SNTG1: variants seen among roughly 807,000 people sequenced by gnomAD.
SNTG1 encodes gamma-1-syntrophin.
SNTG1 carries 39 observed loss-of-function variants against 74.7 expected under a neutral mutation model. The observed-to-expected ratio is 0.52, with a 90% CI of 0.40 to 0.68. The LOEUF (loss-of-function observed/expected upper bound fraction) is 0.68, where lower values mean the gene tolerates loss of function less well. Among genes scored for constraint, SNTG1 ranks in the 30% least tolerant of loss-of-function variants. SNTG1 has a pLI of 0.00. For synonymous variants in SNTG1, 254 were observed against 217.1 expected (o/e 1.17, Z -1.49); for missense variants, 685 against 609.5 (o/e 1.12, Z -1.30).
At chr8:50,186,015 A>G (rs1054115533) in intron 2 of SNTG1, among the ~76,000 whole-genome samples, 2 of 151,962 alleles carry the variant, frequency 1.3e-5, no homozygotes, top group African/African-American at 4.8e-5. Flanking sequence ...CCCACCCCCG[A>G]CAGGTCTGTG....
intron 12 of SNTG1, among the ~76,000 whole-genome samples, chr8:50,571,844 A>C (rs1241383676): frequency 5.9e-5 from 9 of 152,166 alleles, no homozygotes; most frequent in Admixed American, 5.2e-4. Context: ...AGAAAATTAC[A>C]AAAGAAATCA....
chr8:50,177,505 G>T (rs1007369617), intron 2 of SNTG1, among the ~76,000 whole-genome samples: 2 of 152,186 alleles, frequency 1.3e-5, no homozygotes, highest in Non-Finnish European at 2.9e-5. Flanking sequence ...AGGAGTTACA[G>T]CTGTACAGTG....
chr8:50,715,947 T>A, intron 17 of SNTG1, among the ~76,000 whole-genome samples: 1 of 152,192 alleles, frequency 6.6e-6, no homozygotes, highest in Admixed American at 6.5e-5. Context: ...CGACACTGAT[T>A]TCTAGAATCT....
rs1242919793 is a variant in SNTG1 at position 50,438,497 on chromosome 8, A to G, written c.163-46A>G. On this transcript the variant is annotated intron_variant, in intron 4 of 18. Coordinates refer to ENST00000642720, the MANE Select transcript of SNTG1 (RefSeq NM_018967.5). The stretch of plus-strand genomic sequence containing the variant: ...AAACAACAAAAAATGGTGTGTAAGT[A>G]TAGTATTAGGAAACACTAACCATTC... 6.5e-6 allele frequency: 10 copies of G among 1,535,224 alleles called. No individual in the cohort carries two copies. The East Asian group carries it at 1.1e-4, about 17-fold the overall frequency.
intron 1 of SNTG1, among the ~76,000 whole-genome samples, chr8:50,043,510 T>C (rs1818818044): frequency 6.6e-6 from 1 of 152,168 alleles, no homozygotes; most frequent in South Asian, 2.1e-4. Flanking sequence ...TATAAAATAA[T>C]TTGTGAAGGG....
At chr8:50,563,761 A>C (rs1050708571) in intron 12 of SNTG1, among the ~76,000 whole-genome samples, 1 of 152,064 alleles carries the variant, frequency 6.6e-6, no homozygotes, top group Admixed American at 6.6e-5. Flanking sequence ...CTAAGAATAC[A>C]TTGACTTGTG....
chr8:50,509,690 A>T (rs1026931276), intron 9 of SNTG1, among the ~76,000 whole-genome samples: 14 of 151,976 alleles, frequency 9.2e-5, no homozygotes, highest in African/African-American at 3.1e-4. Context: ...TGTGAATGGG[A>T]GTTCACTTAT....
At chr8:50,770,511 T>C (rs2095624284) in intron 18 of SNTG1, among the ~76,000 whole-genome samples, 1 of 151,884 alleles carries the variant, frequency 6.6e-6, no homozygotes, top group South Asian at 2.1e-4. Context: ...CAGAACCCAC[T>C]GAAGGGTGTG....
At chr8:50,293,440 T>A (rs2089220143) in intron 2 of SNTG1, among the ~76,000 whole-genome samples, 1 of 151,252 alleles carries the variant, frequency 6.6e-6, no homozygotes, top group Non-Finnish European at 1.5e-5. Context: ...GACTGAGTCT[T>A]GCTCTGCCAC....
intron 1 of SNTG1, among the ~76,000 whole-genome samples, chr8:49,928,182 A>AATAAATAAATAT (rs1328680888): frequency 7.0e-6 from 1 of 142,810 alleles, no homozygotes; most frequent in African/African-American, 2.6e-5. Flanking sequence ...TAAATAAATA[A>AATAAATAAATAT]AAATAAAAAA....
chr8:50,465,516 C>A (rs1014579346), intron 8 of SNTG1, among the ~76,000 whole-genome samples: 1 of 152,150 alleles, frequency 6.6e-6, no homozygotes, highest in African/African-American at 2.4e-5. Context: ...GGTTTTGACA[C>A]CTGCACAGTA....
intron 2 of SNTG1, among the ~76,000 whole-genome samples, chr8:50,195,994 G>A (rs963485112): frequency 2.0e-5 from 3 of 152,080 alleles, no homozygotes; most frequent in African/African-American, 7.2e-5. Context: ...ATTTTCATGG[G>A]GATCTTTATC....
intron 1 of SNTG1, among the ~76,000 whole-genome samples, chr8:50,004,487 C>T (rs1401252535): frequency 1.3e-5 from 2 of 152,252 alleles, no homozygotes; most frequent in African/African-American, 2.4e-5. Flanking sequence ...CTGCACCCAG[C>T]GTTGTGCTTG....
At position 50,246,128 on chromosome 8, in the gene SNTG1, A is replaced by T. The variant is rs560351685; in HGVS notation, c.-28+73493A>T. 3.3e-5 allele frequency among the ~76,000 whole-genome samples: 5 copies of T among 150,940 alleles called. No homozygotes were observed. The South Asian group carries it at 1.1e-3, about 32-fold the overall frequency. On this transcript the variant is annotated intron_variant, in intron 2 of 18. Transcript: ENST00000642720. ...ATACAGACCTGATACTAGATGCATA[A>T]AATGTGAAACTATTAATAATGGGTA...
Position 49,942,988 on chromosome 8 carries a change from C to G in SNTG1, c.-103+30757C>G, listed in dbSNP as rs2129378211. On this transcript the variant is annotated intron_variant, in intron 1 of 18. Transcript: ENST00000642720. ...TCTACAAAAAATATTTGCAATTTCT[C>G]TTCATAAGAGATTTGCCTCCTCTCC... Among the ~76,000 whole-genome samples, 3 of 152,318 alleles carry G rather than the reference C, an allele frequency of 2.0e-5. No individual in the cohort carries two copies. In the Middle Eastern group the frequency reaches 0.01, roughly 518 times the overall value.
intron 1 of SNTG1, among the ~76,000 whole-genome samples, chr8:50,131,253 C>T (rs1204306718): frequency 1.3e-5 from 2 of 152,148 alleles, no homozygotes; most frequent in African/African-American, 4.8e-5. Context: ...TTTCAGTAAG[C>T]ATTATATTTT....
chr8:50,092,666 C>T (rs1028524205), intron 1 of SNTG1, among the ~76,000 whole-genome samples: 3 of 152,114 alleles, frequency 2.0e-5, no homozygotes, highest in Non-Finnish European at 4.4e-5. Flanking sequence ...ACTTCTTAGG[C>T]TTCTTCTTCA....
In SNTG1 at chr8:50,001,095, A is replaced by G. The variant is rs572772440; in HGVS notation, c.-103+88864A>G. ...CCAGGGTGAGCTGAGCTCAACTGTGACTTGTGCAGAAATGACTGTGTGTTA... is the reference window on the plus strand; with the variant it reads ...CCAGGGTGAGCTGAGCTCAACTGTGGCTTGTGCAGAAATGACTGTGTGTTA... On this transcript the variant is annotated intron_variant, in intron 1 of 18. Coordinates refer to ENST00000642720, the MANE Select transcript of SNTG1 (RefSeq NM_018967.5). 2.0e-5 allele frequency among the ~76,000 whole-genome samples: 3 copies of G among 152,326 alleles called. No individual in the cohort carries two copies. The South Asian group carries it at 6.2e-4, about 32-fold the overall frequency.
At chr8:50,361,553 G>A (rs954440033) in intron 2 of SNTG1, among the ~76,000 whole-genome samples, 6 of 152,164 alleles carry the variant, frequency 3.9e-5, no homozygotes, top group East Asian at 1.9e-4. Flanking sequence ...CTGCCCAGAC[G>A]GGACTCAAAG....
Sources: gnomAD v4.1 joint callset for allele counts (sites outside exome capture counted in the v4.1 genomes callset) on GRCh38, gnomAD v4.1.1 for gene constraint, MANE v1.5 for transcripts, NCBI Gene and HGNC (gene_info 2026-07-23, HGNC 2026-07-21) for gene names.